PHC2: variants seen among roughly 807,000 people sequenced by gnomAD.
The protein encoded by PHC2 is polyhomeotic homolog 2.
A neutral mutation model predicts 87.4 loss-of-function variants in PHC2; 29 were observed. That is an observed-to-expected ratio of 0.33 (90% CI 0.25 to 0.45). The LOEUF (loss-of-function observed/expected upper bound fraction) is 0.45, where lower values mean the gene tolerates loss of function less well. Ranked by LOEUF, PHC2 falls within the 20% of genes least tolerant of loss-of-function variation. PHC2 has a pLI of 1.00. For synonymous variants in PHC2, 438 were observed against 461.7 expected, an observed-to-expected ratio of 0.95 and a Z score of 0.66; for missense variants, 857 against 1,136.7, an observed-to-expected ratio of 0.75 and a Z score of 3.54.
chr1:33,360,271 T>C (rs1303305466), intron 7 of PHC2, among the ~76,000 whole-genome samples: 2 of 152,272 alleles, frequency 1.3e-5, no homozygotes, highest in Non-Finnish European at 2.9e-5. Flanking sequence ...TGCAGCCCTC[T>C]GGAAAAACTA....
intron 7 of PHC2, 33 bp from the exon 8 acceptor site, chr1:33,355,286 G>C (rs1647050410): frequency 6.6e-7 from 1 of 1,513,396 alleles, no homozygotes. Flanking sequence ...AGAGAGCATG[G>C]CTTGACCTTC....
intron 7 of PHC2, among the ~76,000 whole-genome samples, chr1:33,362,170 T>C (rs114656607): frequency 0.019 from 2,889 of 152,330 alleles, 117 homozygotes; most frequent in Admixed American, 0.11. Flanking sequence ...TAGCACATAC[T>C]TGTTAGTATC....
At chr1:33,361,999 T>C (rs1647205033) in intron 7 of PHC2, among the ~76,000 whole-genome samples, 1 of 152,218 alleles carries the variant, frequency 6.6e-6, no homozygotes, top group Admixed American at 6.5e-5. Context: ...TAATAGGTGA[T>C]GAAACTGGGG....
intron 9 of PHC2, among the ~76,000 whole-genome samples, chr1:33,348,366 T>C (rs368589779): frequency 0.025 from 3,826 of 152,244 alleles, 70 homozygotes; most frequent in Middle Eastern, 0.092. Context: ...CATGCTGACC[T>C]AGAAATCCTG....
intron 7 of PHC2, among the ~76,000 whole-genome samples, chr1:33,366,868 C>A (rs1206867448): frequency 1.3e-5 from 2 of 152,230 alleles, no homozygotes; most frequent in East Asian, 3.8e-4. Flanking sequence ...TACCCTGATT[C>A]ATCGCTGTGC....
chr1:33,412,068 A>G (rs544284202), intron 1 of PHC2, among the ~76,000 whole-genome samples: 180 of 152,332 alleles, frequency 1.2e-3, no homozygotes, highest in Non-Finnish European at 1.7e-3. Context: ...TGTCTATTCA[A>G]TATCATACTG....
intron 9 of PHC2, among the ~76,000 whole-genome samples, chr1:33,350,846 A>G (rs943966171): frequency 1.3e-5 from 2 of 151,888 alleles, no homozygotes; most frequent in African/African-American, 4.9e-5. Context: ...ATTAATATTC[A>G]TATTTCCTTC....
intron 7 of PHC2, among the ~76,000 whole-genome samples, chr1:33,361,880 C>T (rs1197973582): frequency 6.6e-6 from 1 of 152,218 alleles, no homozygotes; most frequent in Non-Finnish European, 1.5e-5. Flanking sequence ...GTCACTTGCA[C>T]AGGCCATCTC....
chr1:33,351,037 C>T (rs1455022699), intron 9 of PHC2, among the ~76,000 whole-genome samples: 1 of 152,182 alleles, frequency 6.6e-6, no homozygotes, highest in Non-Finnish European at 1.5e-5. Flanking sequence ...CCTACCTATC[C>T]TTCAAGGTCC....
At position 33,354,914 on chromosome 1, in the gene PHC2, C is replaced by G. The variant is rs1207269080; in HGVS notation, c.1316G>C (p.Gly439Ala). ...DTGPQNGHPE[G>A]VPHTPQRRFQ... is the part of the protein sequence containing the mutation. ...CCTGCGTTGAGGGGTGTGGGGCACG[C>G]CCTCGGGATGTCCATTCTGAGGCCC... The change falls in exon 8 of 15, where the codon GGC becomes GCC. Residue 439 changes from glycine (G) to alanine (A), a missense_variant. This residue lies in a region of PHC2 where 832 missense variants were observed against 1,081.8 expected (regional missense o/e 0.77). Transcript: ENST00000683057. The G allele has an allele frequency of 2.5e-6, 4 of 1,614,084 alleles. No homozygotes were observed. Among genetic ancestry groups the G allele is most frequent in the Admixed American group, 3.3e-5 (2 of 60,014 alleles).
intron 7 of PHC2, among the ~76,000 whole-genome samples, chr1:33,356,249 T>TTATATATATATATATATATATATATG (rs1647069226): frequency 2.6e-4 from 26 of 101,524 alleles, no homozygotes; most frequent in Admixed American, 6.0e-4. Context: ...GTGAAAATTC[T>TTATATATATATATATATATATATATG]TATATATATA....
intron 1 of PHC2, among the ~76,000 whole-genome samples, chr1:33,422,146 T>C (rs1245732452): frequency 2.6e-5 from 4 of 152,246 alleles, no homozygotes; most frequent in African/African-American, 9.6e-5. Flanking sequence ...TGCTTCTGTC[T>C]GGCTGAGAAG....
In PHC2 at chr1:33,323,738, A is replaced by G. The variant is rs184450560; in HGVS notation, c.*1127T>C. 135 of 152,766 alleles carry G rather than the reference A, an allele frequency of 8.8e-4. No homozygotes were observed. The highest frequency in any genetic ancestry group is 3.2e-3 in the African/African-American group (132 of 41,566). The allele number at this position is 152,766 out of a possible 1,614,324, so 9.5% of individuals were successfully genotyped here. A position where few individuals can be genotyped will look rare whatever the true frequency, so the allele number is the denominator to read the frequency against. ...ATAGAATAAGCTCAGAAAGGTGCCT[A>G]CCTCCTTCCTGCAAAGGACACGGCA... On this transcript the variant is annotated 3_prime_UTR_variant, in exon 15 of 15. Transcript: ENST00000683057.
intron 9 of PHC2, chr1:33,347,308 A>T: frequency 1.0e-6 from 1 of 985,434 alleles, no homozygotes; most frequent in Non-Finnish European, 1.2e-6. Context: ...GGAGGCAGAG[A>T]ATGCAGAAAC....
At chr1:33,423,922 C>A (rs1650558775) in intron 1 of PHC2, among the ~76,000 whole-genome samples, 1 of 151,992 alleles carries the variant, frequency 6.6e-6, no homozygotes, top group Admixed American at 6.5e-5. Context: ...CGTGGTGAAA[C>A]CACATCTCTA....
At chr1:33,372,714 G>C (rs932408086) in intron 2 of PHC2, among the ~76,000 whole-genome samples, 1 of 152,184 alleles carries the variant, frequency 6.6e-6, no homozygotes, top group Non-Finnish European at 1.5e-5. Flanking sequence ...CAACTGCCTC[G>C]GTGAGGAGAA....
At chr1:33,378,485 T>A (rs1269576865) in intron 1 of PHC2, among the ~76,000 whole-genome samples, 2 of 152,156 alleles carry the variant, frequency 1.3e-5, no homozygotes, top group Non-Finnish European at 2.9e-5. Flanking sequence ...TTGCTTTTCA[T>A]TACACACTGG....
At chr1:33,392,977 C>A (rs1265279729) in intron 1 of PHC2, among the ~76,000 whole-genome samples, 6 of 152,132 alleles carry the variant, frequency 3.9e-5, no homozygotes, top group Non-Finnish European at 8.8e-5. Context: ...AATAAACCAA[C>A]CCAAAAGGGG....
chr1:33,383,132 A>G (rs1233891623), intron 1 of PHC2, among the ~76,000 whole-genome samples: 1 of 152,186 alleles, frequency 6.6e-6, no homozygotes, highest in Non-Finnish European at 1.5e-5. Flanking sequence ...TAATAACAGA[A>G]GATTCAGACT....
Sources: gnomAD v4.1 joint callset for allele counts (sites outside exome capture counted in the v4.1 genomes callset) on GRCh38, gnomAD v4.1.1 for gene constraint, gnomAD v4.1.1 regional missense constraint, MANE v1.5 for transcripts, NCBI Gene and HGNC (gene_info 2026-07-23, HGNC 2026-07-21) for gene names.